Variants in GLIS3 observed in about 807,000 individuals in gnomAD.
GLIS3 encodes zinc finger protein GLIS3.
A neutral mutation model predicts 78.6 loss-of-function variants in GLIS3; 53 were observed. The ratio of observed to expected loss-of-function variants is 0.67; its 90% CI spans 0.54 to 0.85. The LOEUF is 0.85. Ranked by LOEUF, GLIS3 falls within the 40% of genes least tolerant of loss-of-function variation. GLIS3 has a pLI of 0.00. For missense variants in GLIS3, 1,703 were observed against 1,231.1 expected (o/e 1.38, Z -5.74); for synonymous variants, 684 against 509.9 (o/e 1.34, Z -4.60).
At chr9:3,990,577 A>G (rs1349848623) in intron 4 of GLIS3, among the ~76,000 whole-genome samples, 1 of 152,164 alleles carries the variant, frequency 6.6e-6, no homozygotes. Context: ...CTGGCTCTGT[A>G]GGGTGAACAG....
intron 8 of GLIS3, among the ~76,000 whole-genome samples, chr9:3,868,755 G>T (rs762387871): frequency 3.7e-4 from 57 of 152,228 alleles, no homozygotes; most frequent in Non-Finnish European, 7.5e-4. Flanking sequence ...GGCTGATAAG[G>T]TTACTCCCTA....
rs16919724 is a variant in GLIS3, at chr9:3,829,187, C to T, written c.2656+123G>A. ...TGGAGATGAGAGCCATTTCAGGGGTCGTTCAACAGGATTTGATGCGGTCAT... is the reference window on the plus strand; with the variant it reads ...TGGAGATGAGAGCCATTTCAGGGGTTGTTCAACAGGATTTGATGCGGTCAT... On this transcript the variant is annotated intron_variant, in intron 10 of 10. Coordinates refer to ENST00000381971, the MANE Select transcript of GLIS3 (RefSeq NM_001042413.2). The T allele has an allele frequency of 0.078, 61,665 of 790,688 alleles. 3,002 individuals are homozygous for T. The highest frequency in any genetic ancestry group is 0.1 in the Non-Finnish European group (46,478 of 453,248). 49.0% of individuals were successfully genotyped at this position (790,688 alleles called of 1,614,324 possible). A position where few individuals can be genotyped will look rare whatever the true frequency, so the allele number is the denominator to read the frequency against.
At chr9:4,254,839 C>CA (rs751442404) in intron 2 of GLIS3, among the ~76,000 whole-genome samples, 1,296 of 69,674 alleles carry the variant, frequency 0.019, 23 homozygotes, top group East Asian at 0.075. Context: ...GACTACGTCT[C>CA]AAAAAAAAAA....
At chr9:3,913,099 C>T (rs1371686158) in intron 6 of GLIS3, among the ~76,000 whole-genome samples, 1 of 152,150 alleles carries the variant, frequency 6.6e-6, no homozygotes, top group Non-Finnish European at 1.5e-5. Context: ...ATTGGTTTCT[C>T]GCTACAGCCC....
At chr9:4,109,180 A>C (rs1831014128) in intron 4 of GLIS3, among the ~76,000 whole-genome samples, 1 of 152,218 alleles carries the variant, frequency 6.6e-6, no homozygotes, top group South Asian at 2.1e-4. Context: ...TGAAGGAAAA[A>C]AATCTTGAAA....
chr9:4,466,245 T>C, the GLIS3 span, among the ~76,000 whole-genome samples: 1 of 152,168 alleles, frequency 6.6e-6, no homozygotes, highest in South Asian at 2.1e-4. Flanking sequence ...ATTACTGAAA[T>C]TGACCTGAGA....
At chr9:4,398,976 C>G in the GLIS3 span, among the ~76,000 whole-genome samples, 1 of 152,186 alleles carries the variant, frequency 6.6e-6, no homozygotes, top group East Asian at 1.9e-4. Flanking sequence ...CGTGAGCCAC[C>G]GTACCCAGCC....
intron 7 of GLIS3, among the ~76,000 whole-genome samples, chr9:3,883,351 A>T (rs943325304): frequency 5.9e-5 from 9 of 152,246 alleles, no homozygotes; most frequent in Admixed American, 3.9e-4. Flanking sequence ...GCTAATCTCC[A>T]TTAATGTTTT....
chr9:4,338,403 C>A (rs1817786663), intron 2 of GLIS3, among the ~76,000 whole-genome samples: 11 of 151,412 alleles, frequency 7.3e-5, no homozygotes, highest in Admixed American at 7.2e-4. Context: ...CACACACACA[C>A]ACACACAATT....
At chr9:4,132,402 G>C (rs7853305) in intron 2 of GLIS3, among the ~76,000 whole-genome samples, 55,277 of 152,014 alleles carry the variant, frequency 0.36, 10,459 homozygotes, top group South Asian at 0.41. Flanking sequence ...TTCTCTTGAA[G>C]TCAAATGGCT....
intron 8 of GLIS3, among the ~76,000 whole-genome samples, chr9:3,861,290 G>C (rs948806421): frequency 6.6e-6 from 1 of 152,062 alleles, no homozygotes; most frequent in African/African-American, 2.4e-5. Context: ...CAGAAAGTGA[G>C]GCATTTTTTA....
chr9:4,073,019 T>C (rs1827739376), intron 4 of GLIS3, among the ~76,000 whole-genome samples: 1 of 112,588 alleles, frequency 8.9e-6, no homozygotes, highest in Non-Finnish European at 1.7e-5. Context: ...TGCTTTTTTC[T>C]TTAAAAAAAA....
chr9:4,386,924 G>C, the GLIS3 span, among the ~76,000 whole-genome samples: 222 of 152,222 alleles, frequency 1.5e-3, no homozygotes, highest in African/African-American at 5.0e-3. Context: ...CTTCATGCTG[G>C]CTTGGGGCAT....
intron 4 of GLIS3, among the ~76,000 whole-genome samples, chr9:4,055,685 C>T (rs1289666739): frequency 2.0e-5 from 3 of 152,172 alleles, no homozygotes; most frequent in African/African-American, 7.2e-5. Context: ...CTTTCAATGG[C>T]AGGCTTCTGT....
intron 2 of GLIS3, among the ~76,000 whole-genome samples, chr9:4,132,433 T>G (rs1379655211): frequency 6.6e-6 from 1 of 152,244 alleles, no homozygotes; most frequent in Non-Finnish European, 1.5e-5. Context: ...CAATTATCAC[T>G]ACTGAGGCTG....
chr9:4,366,986 C>A, the GLIS3 span, among the ~76,000 whole-genome samples: 4 of 152,322 alleles, frequency 2.6e-5, no homozygotes, highest in Admixed American at 2.6e-4. Flanking sequence ...CCCTGAATTC[C>A]GTGAATGAAG....
At chr9:4,435,476 C>A in the GLIS3 span, among the ~76,000 whole-genome samples, 1 of 152,150 alleles carries the variant, frequency 6.6e-6, no homozygotes, top group Non-Finnish European at 1.5e-5. Flanking sequence ...TTCCCTTCTC[C>A]GCATCTCCTG....
chr9:4,037,882 G>C (rs914373237), intron 4 of GLIS3, among the ~76,000 whole-genome samples: 2 of 151,724 alleles, frequency 1.3e-5, no homozygotes, highest in Non-Finnish European at 2.9e-5. Context: ...TTTCACTTTG[G>C]TGTTTTCCTG....
intron 2 of GLIS3, among the ~76,000 whole-genome samples, chr9:4,253,289 C>T (rs992973881): frequency 1.3e-5 from 2 of 152,254 alleles, no homozygotes; most frequent in Non-Finnish European, 2.9e-5. Context: ...GGGCTGCTGC[C>T]TTTCTTTAGA....
Sources: gnomAD v4.1 joint callset for allele counts (sites outside exome capture counted in the v4.1 genomes callset) on GRCh38, gnomAD v4.1.1 for gene constraint, MANE v1.5 for transcripts, NCBI Gene and HGNC (gene_info 2026-07-23, HGNC 2026-07-21) for gene names.